Variants in ST6GALNAC3 observed in about 807,000 individuals in gnomAD.
The protein encoded by ST6GALNAC3 is alpha-N-acetylgalactosaminide alpha-2,6-sialyltransferase 3.
In ST6GALNAC3, 25 loss-of-function variants were observed where a neutral mutation model predicts 32.7. The observed-to-expected ratio is 0.76, with a 90% CI of 0.56 to 1.07. The LOEUF (loss-of-function observed/expected upper bound fraction) is 1.07. Among genes scored for constraint, ST6GALNAC3 ranks in the 50% least tolerant of loss-of-function variants. The probability of loss-of-function intolerance (pLI) is 0.00; values close to 1 mark genes in which losing one functional copy is unlikely to be tolerated. For missense variants in ST6GALNAC3, 355 were observed against 382.4 expected, an observed-to-expected ratio of 0.93 and a Z score of 0.60; for synonymous variants, 129 against 133.1, an observed-to-expected ratio of 0.97 and a Z score of 0.21.
intron 1 of ST6GALNAC3, among the ~76,000 whole-genome samples, chr1:76,122,349 G>A (rs56160304): frequency 0.064 from 9,709 of 152,226 alleles, 1,055 homozygotes; most frequent in African/African-American, 0.22. Flanking sequence ...TAATATCAGC[G>A]AAGTGTTTGT....
intron 2 of ST6GALNAC3, among the ~76,000 whole-genome samples, chr1:76,378,538 T>G (rs1415265813): frequency 6.6e-6 from 1 of 151,888 alleles, no homozygotes; most frequent in Non-Finnish European, 1.5e-5. Context: ...GGCATGCGCC[T>G]GTAATCCCAG....
At chr1:76,166,430 CATG>C (rs1652131253) in intron 1 of ST6GALNAC3, among the ~76,000 whole-genome samples, 1 of 152,078 alleles carries the variant, frequency 6.6e-6, no homozygotes, top group Admixed American at 6.6e-5. Flanking sequence ...AGTCCAGTAG[CATG>C]ATGTGTCCAG....
chr1:76,446,507 CTCT>C (rs1656979048), intron 3 of ST6GALNAC3, among the ~76,000 whole-genome samples: 1 of 152,168 alleles, frequency 6.6e-6, no homozygotes, highest in African/African-American at 2.4e-5. Context: ...TCCTACTAAC[CTCT>C]GGCGACCACG....
At position 76,278,223 on chromosome 1, in the gene ST6GALNAC3, C is replaced by CTTTTTTTTTTTTTTTTTT. The variant is rs568694243; in HGVS notation, c.19-35567_19-35566insTTTTTTTTTTTTTTTTTT. On this transcript the variant is annotated intron_variant, in intron 1 of 4. Coordinates refer to ENST00000328299, the MANE Select transcript of ST6GALNAC3 (RefSeq NM_152996.4). Reference sequence around the variant, plus strand: ...TGTATTCTCATTATTGCTAGGCATTCTTTTTTTTTTTTTTTGAGATGGAGT... The same window carrying CTTTTTTTTTTTTTTTTTT: ...TGTATTCTCATTATTGCTAGGCATTCTTTTTTTTTTTTTTTTTTTTTTTTTTTTTTTTTGAGATGGAGT... 7.4e-4 allele frequency among the ~76,000 whole-genome samples: 84 copies of CTTTTTTTTTTTTTTTTTT among 113,724 alleles called. 5 individuals carry two copies. The highest frequency in any genetic ancestry group is 4.5e-3 in the Middle Eastern group (1 of 224). The allele number at this position is 113,724 out of a possible 152,430, so 74.6% of individuals were successfully genotyped here. A position where few individuals can be genotyped will look rare whatever the true frequency, so the allele number is the denominator to read the frequency against.
chr1:76,549,660 A>AT (rs943619422), intron 3 of ST6GALNAC3, among the ~76,000 whole-genome samples: 25 of 150,974 alleles, frequency 1.7e-4, no homozygotes, highest in East Asian at 1.2e-3. Flanking sequence ...TCTTTTACAT[A>AT]TTTTTTTTTG....
intron 3 of ST6GALNAC3, among the ~76,000 whole-genome samples, chr1:76,467,075 G>T (rs936964275): frequency 5.3e-5 from 8 of 151,908 alleles, no homozygotes; most frequent in Non-Finnish European, 1.2e-4. Context: ...TCGGAGAATT[G>T]GCATTTATAT....
intron 2 of ST6GALNAC3, among the ~76,000 whole-genome samples, chr1:76,382,761 A>G (rs1651811475): frequency 6.6e-6 from 1 of 152,218 alleles, no homozygotes; most frequent in Non-Finnish European, 1.5e-5. Flanking sequence ...ATTAATCACG[A>G]CTAGTTTCAG....
At chr1:76,459,012 A>G (rs974364047) in intron 3 of ST6GALNAC3, among the ~76,000 whole-genome samples, 15 of 152,118 alleles carry the variant, frequency 9.9e-5, no homozygotes, top group African/African-American at 1.7e-4. Context: ...TCAATCTTTT[A>G]TCATGGAGCC....
intron 1 of ST6GALNAC3, among the ~76,000 whole-genome samples, chr1:76,309,051 G>A (rs376395273): frequency 1.8e-3 from 268 of 152,212 alleles, no homozygotes; most frequent in African/African-American, 5.7e-3. Context: ...TGGCGAGGCC[G>A]CCGCGGTCCT....
At chr1:76,388,337 A>G (rs1373438393) in intron 2 of ST6GALNAC3, among the ~76,000 whole-genome samples, 1 of 152,204 alleles carries the variant, frequency 6.6e-6, no homozygotes, top group African/African-American at 2.4e-5. Flanking sequence ...CATTATCTCC[A>G]TGGAACGCCA....
chr1:76,127,689 G>A (rs1054155908), intron 1 of ST6GALNAC3, among the ~76,000 whole-genome samples: 3 of 152,132 alleles, frequency 2.0e-5, no homozygotes, highest in Non-Finnish European at 4.4e-5. Flanking sequence ...GTCTGCAGGG[G>A]CAGCTGGTAA....
At chr1:76,112,966 C>T (rs530843217) in intron 1 of ST6GALNAC3, among the ~76,000 whole-genome samples, 2 of 152,084 alleles carry the variant, frequency 1.3e-5, no homozygotes, top group African/African-American at 2.4e-5. Context: ...AATCTCGGCA[C>T]TTTGGGGGGC....
intron 3 of ST6GALNAC3, among the ~76,000 whole-genome samples, chr1:76,453,553 C>A (rs963615864): frequency 3.3e-5 from 5 of 152,020 alleles, no homozygotes; most frequent in African/African-American, 1.2e-4. Context: ...CATTTGGGAG[C>A]AGGTTATTTA....
chr1:76,601,507 A>G (rs115387326), intron 3 of ST6GALNAC3, among the ~76,000 whole-genome samples: 156 of 152,326 alleles, frequency 1.0e-3, no homozygotes, highest in Middle Eastern at 3.4e-3. Flanking sequence ...GAGAGGATTA[A>G]AGAAGAGGAA....
intron 3 of ST6GALNAC3, among the ~76,000 whole-genome samples, chr1:76,502,388 C>T (rs1661227118): frequency 6.6e-6 from 1 of 152,152 alleles, no homozygotes; most frequent in Admixed American, 6.5e-5. Context: ...AACTGGGTGC[C>T]TGAAACATCA....
chr1:76,102,235 T>TTGTGTGTG (rs60454163), intron 1 of ST6GALNAC3, among the ~76,000 whole-genome samples: 162 of 147,524 alleles, frequency 1.1e-3, no homozygotes, highest in African/African-American at 3.8e-3. Context: ...CCTGGTGTGT[T>TTGTGTGTG]TGTGTGTGTG....
At chr1:76,440,231 GA>G (rs952233975) in intron 3 of ST6GALNAC3, among the ~76,000 whole-genome samples, 2 of 152,224 alleles carry the variant, frequency 1.3e-5, no homozygotes, top group African/African-American at 4.8e-5. Context: ...TTCTTTAATG[GA>G]AAAGAGTGGA....
At chr1:76,556,923 C>T (rs533959028) in intron 3 of ST6GALNAC3, among the ~76,000 whole-genome samples, 2 of 151,818 alleles carry the variant, frequency 1.3e-5, no homozygotes, top group African/African-American at 4.8e-5. Flanking sequence ...CTTTTAGTGT[C>T]GTATTTAAAA....
At chr1:76,079,131 A>G (rs1018139163) in intron 1 of ST6GALNAC3, among the ~76,000 whole-genome samples, 1 of 152,182 alleles carries the variant, frequency 6.6e-6, no homozygotes, top group African/African-American at 2.4e-5. Flanking sequence ...CTTGGGCCCC[A>G]GAGCCCTTGT....
Sources: allele counts gnomAD v4.1 joint callset (sites outside exome capture counted in the v4.1 genomes callset), GRCh38; gene constraint gnomAD v4.1.1; transcripts MANE v1.5; gene names NCBI Gene and HGNC (gene_info 2026-07-23, HGNC 2026-07-21).